Variants in CELF4 observed in about 807,000 individuals in gnomAD.
CELF4 encodes CUGBP Elav-like family member 4, also known as CUG-BP- and ETR-3-like factor 4.
A neutral mutation model predicts 59.9 loss-of-function variants in CELF4; 18 were observed. The observed-to-expected ratio is 0.30, with a 90% CI of 0.21 to 0.45. The LOEUF (loss-of-function observed/expected upper bound fraction) is 0.45, where lower values mean the gene tolerates loss of function less well. CELF4 is among the 20% of genes least tolerant of loss of function. The pLI is 1.00. For missense variants in CELF4, 456 were observed against 689.0 expected (o/e 0.66, Z 3.79); for synonymous variants, 261 against 267.1 (o/e 0.98, Z 0.22).
At chr18:37,463,583 A>G (rs1426885178) in intron 2 of CELF4, among the ~76,000 whole-genome samples, 1 of 152,214 alleles carries the variant, frequency 6.6e-6, no homozygotes, top group African/African-American at 2.4e-5. Flanking sequence ...CCTGGGCCAA[A>G]GGGTCCTGCC....
chr18:37,463,753 C>A (rs902899842), intron 2 of CELF4, among the ~76,000 whole-genome samples: 1 of 152,186 alleles, frequency 6.6e-6, no homozygotes, highest in Non-Finnish European at 1.5e-5. Context: ...TCAGTGGGTC[C>A]CAGCTCCTGG....
intron 8 of CELF4, among the ~76,000 whole-genome samples, chr18:37,269,279 T>C (rs1662910): frequency 0.48 from 73,664 of 151,926 alleles, 18,351 homozygotes; most frequent in African/African-American, 0.56. Context: ...TCTTGGTGGA[T>C]TGAGGGATAT....
intron 2 of CELF4, among the ~76,000 whole-genome samples, chr18:37,417,693 C>T (rs941776208): frequency 6.6e-5 from 10 of 152,168 alleles, no homozygotes; most frequent in Non-Finnish European, 1.5e-4. Flanking sequence ...GTCAGTAGGA[C>T]AGTATCCTGC....
chr18:37,500,034 G>A (rs1027453446), intron 1 of CELF4, among the ~76,000 whole-genome samples: 1 of 152,204 alleles, frequency 6.6e-6, no homozygotes, highest in African/African-American at 2.4e-5. Context: ...GTAAGGCTGG[G>A]GAGCCCAGTG....
intron 2 of CELF4, among the ~76,000 whole-genome samples, chr18:37,432,876 C>T (rs1213205156): frequency 6.6e-6 from 1 of 152,210 alleles, no homozygotes; most frequent in African/African-American, 2.4e-5. Context: ...TATGCTCTCT[C>T]AGCTCCTTCA....
intron 1 of CELF4, among the ~76,000 whole-genome samples, chr18:37,530,489 G>C (rs1351289541): frequency 6.6e-6 from 1 of 152,162 alleles, no homozygotes; most frequent in Admixed American, 6.5e-5. Context: ...TGCCCAGCAA[G>C]ACACTTTAAG....
intron 12 of CELF4, among the ~76,000 whole-genome samples, chr18:37,250,356 A>C (rs1045354171): frequency 6.6e-6 from 1 of 152,064 alleles, no homozygotes; most frequent in Non-Finnish European, 1.5e-5. Context: ...CCCACTCAGG[A>C]CCTTGCTTCA....
chr18:37,557,183 C>T (rs2099985065), intron 1 of CELF4, among the ~76,000 whole-genome samples: 2 of 152,170 alleles, frequency 1.3e-5, no homozygotes, highest in South Asian at 4.1e-4. Context: ...ATTGATCCCA[C>T]AATATTTATG....
chr18:37,262,269 T>C (rs1347886838), intron 10 of CELF4, among the ~76,000 whole-genome samples: 1 of 152,032 alleles, frequency 6.6e-6, no homozygotes, highest in African/African-American at 2.4e-5. Context: ...ATCCCTGGGG[T>C]GGCTCAACCC....
At chr18:37,458,677 GT>G (rs1224961503) in intron 2 of CELF4, among the ~76,000 whole-genome samples, 1 of 152,182 alleles carries the variant, frequency 6.6e-6, no homozygotes, top group Non-Finnish European at 1.5e-5. Context: ...AGCCTGTGCT[GT>G]TTGTAGAGTC....
chr18:37,391,300 G>A (rs1052831785), intron 2 of CELF4, among the ~76,000 whole-genome samples: 5 of 152,174 alleles, frequency 3.3e-5, no homozygotes, highest in Admixed American at 6.5e-5. Context: ...CACATGCCCC[G>A]GCAAAGCTGC....
At chr18:37,507,256 G>T (rs2099939139) in intron 1 of CELF4, among the ~76,000 whole-genome samples, 1 of 152,216 alleles carries the variant, frequency 6.6e-6, no homozygotes, top group Admixed American at 6.5e-5. Flanking sequence ...GAACAGGGTG[G>T]GGAGGAGGCC....
intron 2 of CELF4, among the ~76,000 whole-genome samples, chr18:37,457,003 C>G (rs948497473): frequency 6.6e-6 from 1 of 151,806 alleles, no homozygotes; most frequent in Non-Finnish European, 1.5e-5. Context: ...ACTGGGCCTC[C>G]CAGAAGCTCC....
intron 2 of CELF4, among the ~76,000 whole-genome samples, chr18:37,466,804 T>C (rs926287523): frequency 6.6e-6 from 1 of 152,108 alleles, no homozygotes; most frequent in African/African-American, 2.4e-5. Context: ...CTTATCCAGA[T>C]TGGGGAAGGC....
At chr18:37,294,703 G>T (rs193015325) in intron 3 of CELF4, among the ~76,000 whole-genome samples, 517 of 152,312 alleles carry the variant, frequency 3.4e-3, no homozygotes, top group Non-Finnish European at 6.0e-3. Context: ...TGTCTCCACA[G>T]TGTCTCAAGT....
At chr18:37,512,140 C>T (rs1219406247) in intron 1 of CELF4, among the ~76,000 whole-genome samples, 1 of 152,156 alleles carries the variant, frequency 6.6e-6, no homozygotes, top group Non-Finnish European at 1.5e-5. Context: ...AGTTGGGGGG[C>T]AGGGGGCGAG....
At chr18:37,324,695 T>C (rs1370579572) in intron 2 of CELF4, among the ~76,000 whole-genome samples, 1 of 152,084 alleles carries the variant, frequency 6.6e-6, no homozygotes, top group Non-Finnish European at 1.5e-5. Context: ...GGAAATTGAC[T>C]TGCAAGTGGA....
chr18:37,295,055 CTCTT>C (rs1453905916), intron 3 of CELF4, among the ~76,000 whole-genome samples: 4 of 152,286 alleles, frequency 2.6e-5, no homozygotes, highest in African/African-American at 9.6e-5. Context: ...AACTGCAATT[CTCTT>C]TCTGTCTCTG....
At chr18:37,558,565 T>TC (rs568134398) in intron 1 of CELF4, among the ~76,000 whole-genome samples, 1 of 77,500 alleles carries the variant, frequency 1.3e-5, no homozygotes, top group African/African-American at 5.7e-5. Flanking sequence ...GGGGGGCGGG[T>TC]GGGGGGGGCT....
Sources: allele counts gnomAD v4.1 joint callset (sites outside exome capture counted in the v4.1 genomes callset), GRCh38; gene constraint gnomAD v4.1.1; transcripts MANE v1.5; gene names NCBI Gene and HGNC (gene_info 2026-07-23, HGNC 2026-07-21).